The following ABCC1 variants were observed in gnomAD, a reference collection of about 807,000 sequenced individuals.
ABCC1 encodes multidrug resistance-associated protein 1.
A neutral mutation model predicts 172.9 loss-of-function variants in ABCC1; 83 were observed. That is an observed-to-expected ratio of 0.48 (90% CI 0.40 to 0.58). The LOEUF (loss-of-function observed/expected upper bound fraction) is 0.58. Among genes scored for constraint, ABCC1 ranks in the 20% least tolerant of loss-of-function variants. ABCC1 has a pLI of 0.00. For synonymous variants in ABCC1, 937 were observed against 825.2 expected (o/e 1.14, Z -2.32); for missense variants, 1,817 against 2,002.7 (o/e 0.91, Z 1.77).
chr16:16,111,683 C>A (rs2052396990), intron 22 of ABCC1, 101 bp downstream of exon 22: 1 of 1,145,936 alleles, frequency 8.7e-7, no homozygotes, highest in African/African-American at 1.5e-5. Context: ...TTTGTGGGAC[C>A]CCAAACCAAG....
intron 1 of ABCC1, among the ~76,000 whole-genome samples, chr16:15,950,028 C>T (rs1181791140): frequency 1.3e-5 from 2 of 152,042 alleles, no homozygotes; most frequent in African/African-American, 4.8e-5. Flanking sequence ...GCCGCGTGCC[C>T]AGCCCTGGGG....
intron 5 of ABCC1, among the ~76,000 whole-genome samples, chr16:16,022,642 G>T (rs750407172): frequency 3.3e-5 from 5 of 152,120 alleles, no homozygotes; most frequent in African/African-American, 4.8e-5. Flanking sequence ...GTTCAGGGTT[G>T]CAAATCACTG....
At chr16:16,113,294 G>C (rs73504223) in intron 22 of ABCC1, among the ~76,000 whole-genome samples, 1,653 of 152,292 alleles carry the variant, frequency 0.011, 24 homozygotes, top group African/African-American at 0.038. Flanking sequence ...AACAACGTCT[G>C]TTCCAGAGCT....
chr16:16,010,765 T>C (rs1333497519), intron 3 of ABCC1, among the ~76,000 whole-genome samples: 2 of 152,230 alleles, frequency 1.3e-5, no homozygotes, highest in Non-Finnish European at 2.9e-5. Context: ...TGTTCCCATC[T>C]TACAGGTGAG....
intron 1 of ABCC1, among the ~76,000 whole-genome samples, chr16:15,979,635 G>T (rs1038567104): frequency 3.3e-5 from 5 of 152,068 alleles, no homozygotes; most frequent in African/African-American, 9.7e-5. Context: ...GCAAATCTTA[G>T]CACCTCGGCC....
chr16:15,960,861 A>G (rs1411281167), intron 1 of ABCC1, among the ~76,000 whole-genome samples: 3 of 152,330 alleles, frequency 2.0e-5, no homozygotes, highest in Admixed American at 6.5e-5. Context: ...GGCAAAATGC[A>G]TAAAGCACTA....
chr16:16,124,101 G>C (rs1217413613), intron 24 of ABCC1, among the ~76,000 whole-genome samples: 1 of 152,172 alleles, frequency 6.6e-6, no homozygotes, highest in East Asian at 1.9e-4. Flanking sequence ...GAAATGAAGA[G>C]TCTGGGCTTG....
intron 12 of ABCC1, among the ~76,000 whole-genome samples, chr16:16,062,108 A>C (rs573125513): frequency 6.6e-6 from 1 of 152,296 alleles, no homozygotes; most frequent in African/African-American, 2.4e-5. Flanking sequence ...CTCAGAGGAA[A>C]AGATACAAGC....
At chr16:16,123,867 A>G (rs1009223570) in intron 24 of ABCC1, among the ~76,000 whole-genome samples, 2 of 151,896 alleles carry the variant, frequency 1.3e-5, no homozygotes, top group East Asian at 1.9e-4. Flanking sequence ...CAAAAAACCA[A>G]AAATTTGCCA....
intron 23 of ABCC1, among the ~76,000 whole-genome samples, 171 bp downstream of exon 23, chr16:16,115,247 A>G (rs138135708): frequency 3.3e-5 from 5 of 152,374 alleles, no homozygotes; most frequent in Admixed American, 2.6e-4. Context: ...CACAATAACA[A>G]AATGCACTTT....
intron 8 of ABCC1, among the ~76,000 whole-genome samples, chr16:16,044,915 G>T (rs778896092): frequency 2.6e-5 from 4 of 152,158 alleles, no homozygotes; most frequent in Admixed American, 2.0e-4. Flanking sequence ...CTCCCAAAGT[G>T]CTGGGATTGC....
chr16:16,021,564 A>G lies in ABCC1; in HGVS notation c.615+4943A>G, dbSNP rs555954117. Among the ~76,000 whole-genome samples, 46 of 152,166 alleles carry G rather than the reference A, an allele frequency of 3.0e-4. 1 individual carries two copies. The highest frequency in any genetic ancestry group is 1.1e-3 in the African/African-American group (46 of 41,514). On this transcript the variant is annotated intron_variant, in intron 5 of 30. Transcript: ENST00000399410. Reference sequence around the variant, plus strand: ...AAATCCCATCTCTACTAAAAATACAAAAATTAGCTGGGCATGGTGTTGAGC... The same window carrying G: ...AAATCCCATCTCTACTAAAAATACAGAAATTAGCTGGGCATGGTGTTGAGC...
chr16:15,998,726 C>T (rs2047143431), intron 1 of ABCC1, among the ~76,000 whole-genome samples: 1 of 152,186 alleles, frequency 6.6e-6, no homozygotes, highest in Non-Finnish European at 1.5e-5. Flanking sequence ...CCTGACCTCT[C>T]CTTCCCTGGA....
chr16:16,049,342 C>T (rs916169687), intron 10 of ABCC1, among the ~76,000 whole-genome samples: 1 of 152,154 alleles, frequency 6.6e-6, no homozygotes, highest in Admixed American at 6.5e-5. Flanking sequence ...GCAGAGTTCT[C>T]TCATTGGCCA....
chr16:15,958,500 C>T (rs2046055458), intron 1 of ABCC1, among the ~76,000 whole-genome samples: 1 of 152,166 alleles, frequency 6.6e-6, no homozygotes, highest in Non-Finnish European at 1.5e-5. Flanking sequence ...TCTGAGTTGG[C>T]ATCTCCTGCT....
At chr16:16,087,568 C>T (rs2051060428) in intron 18 of ABCC1, among the ~76,000 whole-genome samples, 1 of 152,292 alleles carries the variant, frequency 6.6e-6, no homozygotes, top group South Asian at 2.1e-4. Context: ...AGCACTTCTC[C>T]TGCTTTGGCC....
rs754519941 is a variant in ABCC1, at chr16:16,036,480, TC to T, written c.688del (p.Arg230GlyfsTer15). On this transcript the variant is annotated frameshift_variant, in exon 7 of 31. Transcript: ENST00000399410. LOFTEE classifies it high-confidence loss of function. ...TTGTGTCTTGGCCCCAGGTTGATTG[TC>T]CGGGGCTACCGCCAGCCCCTGGAGG... is the stretch of plus-strand genomic sequence containing the variant. ...ITFWWITGLI[V>X]RGYRQPLEGS... 1 of 1,613,470 alleles carries T rather than the reference TC, an allele frequency of 6.2e-7. No individual in the cohort carries two copies. The highest frequency in any genetic ancestry group is 8.5e-7 in the Non-Finnish European group (1 of 1,179,644).
At position 16,056,143 on chromosome 16, in the gene ABCC1, C is replaced by G. The variant is rs751617110; in HGVS notation, c.1525C>G (p.Leu509Val). The part of the protein sequence containing the change: ...DNRIKLMNEI[L>V]NGIKVLKLYA... ...TCGGATCAAGCTGATGAACGAAATT[C>G]TCAATGGGATCAAAGTGCTAAAGCT... The change falls in exon 12 of 31, where the codon CTC (leucine) becomes GTC (valine). Residue 509 changes from leucine (L) to valine (V), a missense_variant. Around this residue, in one of 3 missense-constraint regions of ABCC1, gnomAD observed 1,412 missense variants for 1,600.3 expected, o/e 0.88. Transcript: ENST00000399410. 1.9e-6 allele frequency: 3 copies of G among 1,614,098 alleles called. No homozygotes were observed. The highest frequency in any genetic ancestry group is 2.5e-6 in the Non-Finnish European group (3 of 1,180,030).
intron 10 of ABCC1, among the ~76,000 whole-genome samples, chr16:16,050,811 G>GAGGAT (rs1207636910): frequency 4.0e-5 from 6 of 151,698 alleles, no homozygotes; most frequent in Admixed American, 2.6e-4. Context: ...GCTGAGGCAG[G>GAGGAT]AGGATTGCTT....
Sources: gnomAD v4.1 joint callset for allele counts (sites outside exome capture counted in the v4.1 genomes callset) on GRCh38, gnomAD v4.1.1 for gene constraint, gnomAD v4.1.1 regional missense constraint, MANE v1.5 for transcripts, NCBI Gene and HGNC (gene_info 2026-07-23, HGNC 2026-07-21) for gene names.